The following CDON variants were observed in gnomAD, a reference collection of about 807,000 sequenced individuals.
CDON encodes cell adhesion molecule-related/down-regulated by oncogenes.
In CDON, 73 loss-of-function variants were observed where a neutral mutation model predicts 120.9. The observed-to-expected ratio is 0.60, with a 90% CI of 0.50 to 0.73. The LOEUF (loss-of-function observed/expected upper bound fraction) is 0.73. Ranked by LOEUF, CDON falls within the 30% of genes least tolerant of loss-of-function variation. The pLI is 0.00. For missense variants in CDON, 1,470 were observed against 1,587.3 expected, an observed-to-expected ratio of 0.93 and a Z score of 1.26; for synonymous variants, 566 against 573.5, an observed-to-expected ratio of 0.99 and a Z score of 0.19.
intron 17 of CDON, among the ~76,000 whole-genome samples, chr11:125,980,040 T>G (rs1946252441): frequency 6.6e-6 from 1 of 152,212 alleles, no homozygotes. Flanking sequence ...ACTCTAAGCT[T>G]CTTCAAATTG....
chr11:126,030,779 C>T (rs568399895), intron 1 of CDON, among the ~76,000 whole-genome samples: 5 of 152,288 alleles, frequency 3.3e-5, no homozygotes, highest in African/African-American at 1.2e-4. Flanking sequence ...ATAGTATATA[C>T]TGTTTTTTAA....
At position 126,005,839 on chromosome 11, in the gene CDON, G is replaced by C; in HGVS notation, c.1771C>G (p.Pro591Ala). Residue 591 changes from proline (P) to alanine (A), a missense_variant, in exon 9 of 20, where the codon CCA becomes GCA. Pro to Ala is a conservative substitution (Grantham distance 27). Coordinates refer to ENST00000531738, the MANE Select transcript of CDON (RefSeq NM_001378964.1). ...IILSPPQTHTPDTYNLVWRAG... is the reference protein window; with the variant it reads ...IILSPPQTHTADTYNLVWRAG... ...CTCCACACCAGGTTGTACGTGTCTG[G>C]TGTGTGGGTCTGTGGGGGGCTCAGT... 2 of 1,614,126 alleles carry C rather than the reference G, an allele frequency of 1.2e-6. No individual in the cohort carries two copies. The highest frequency in any genetic ancestry group is 1.7e-4 in the Middle Eastern group (1 of 6,058).
At chr11:125,977,766 C>T (rs939643874) in intron 18 of CDON, among the ~76,000 whole-genome samples, 1 of 152,016 alleles carries the variant, frequency 6.6e-6, no homozygotes, top group Non-Finnish European at 1.5e-5. Context: ...GTACATACCA[C>T]TTTTAAAATT....
At chr11:125,988,770 T>A (rs1946541389) in intron 15 of CDON, among the ~76,000 whole-genome samples, 1 of 152,158 alleles carries the variant, frequency 6.6e-6, no homozygotes, top group African/African-American at 2.4e-5. Flanking sequence ...GTAGGCAGAG[T>A]TGAGAATGTT....
At chr11:126,037,822 G>GA (rs1023782603) in intron 1 of CDON, among the ~76,000 whole-genome samples, 3 of 151,518 alleles carry the variant, frequency 2.0e-5, no homozygotes, top group African/African-American at 2.4e-5. Context: ...TCTGCAAAAG[G>GA]AAAAAAAACT....
rs148254521 is a variant in CDON, at chr11:126,027,329, A to G, written c.-61-3792T>C. Among the ~76,000 whole-genome samples, 979 of 152,352 alleles carry G rather than the reference A, an allele frequency of 6.4e-3. 7 individuals are homozygous for G. The highest frequency in any genetic ancestry group is 0.01 in the Non-Finnish European group (703 of 68,034). On this transcript the variant is annotated intron_variant, in intron 1 of 19. Transcript: ENST00000531738. ...CACAAATAAACATTACTGACCACACAAAGTTTAGATACGCAGAAATCACAG... is the reference window on the plus strand; with the variant it reads ...CACAAATAAACATTACTGACCACACGAAGTTTAGATACGCAGAAATCACAG...
intron 1 of CDON, among the ~76,000 whole-genome samples, chr11:126,050,951 T>C (rs1948543736): frequency 1.3e-5 from 2 of 152,108 alleles, no homozygotes; most frequent in African/African-American, 2.4e-5. Context: ...AAAAAGACAC[T>C]AGTATTTCTC....
chr11:125,967,024 T>TAAA (rs11372251), intron 18 of CDON, among the ~76,000 whole-genome samples: 3 of 143,414 alleles, frequency 2.1e-5, no homozygotes, highest in African/African-American at 5.1e-5. Flanking sequence ...GCAACAGATT[T>TAAA]AAAAAAAAAA....
chr11:126,011,213 T>G (rs1056735157), intron 7 of CDON, among the ~76,000 whole-genome samples: 1 of 152,236 alleles, frequency 6.6e-6, no homozygotes. Context: ...CCCATAGGCA[T>G]GAACAGAATT....
At position 125,997,115 on chromosome 11, in the gene CDON, G is replaced by C. The variant is rs572223305; in HGVS notation, c.2362+92C>G. 5.8e-6 allele frequency: 6 copies of C among 1,036,786 alleles called. No individual in the cohort carries two copies. In the East Asian group the frequency reaches 1.3e-4, roughly 22 times the overall value. 64.2% of individuals were successfully genotyped at this position (1,036,786 alleles called of 1,614,324 possible). A position where few individuals can be genotyped will look rare whatever the true frequency, so the allele number is the denominator to read the frequency against. On this transcript the variant is annotated intron_variant, in intron 12 of 19. Transcript: ENST00000531738. The stretch of plus-strand genomic sequence containing the variant: ...GATTATGCCACTGCACTCCAGCCTG[G>C]GCCAACAGAGTGAGACCCTGTCTCA...
At chr11:125,974,451 C>T (rs1946100336) in intron 18 of CDON, among the ~76,000 whole-genome samples, 1 of 140,528 alleles carries the variant, frequency 7.1e-6, no homozygotes, top group African/African-American at 2.7e-5. Flanking sequence ...TTCTTTTTTA[C>T]TCTCCTTATT....
chr11:125,983,072 T>G (rs1380128799), intron 16 of CDON, among the ~76,000 whole-genome samples: 1 of 152,220 alleles, frequency 6.6e-6, no homozygotes, highest in African/African-American at 2.4e-5. Flanking sequence ...GAGAACTGGC[T>G]AACAGCCACT....
intron 18 of CDON, among the ~76,000 whole-genome samples, chr11:125,973,058 A>G (rs1253543587): frequency 8.2e-5 from 10 of 122,212 alleles, no homozygotes; most frequent in African/African-American, 3.2e-4. Context: ...CCTCAGACTC[A>G]TTCAGACTCA....
At chr11:125,981,970 C>CTTTTTTTTGTTTTTTTTTT (rs1946321031) in intron 16 of CDON, among the ~76,000 whole-genome samples, 1 of 54,290 alleles carries the variant, frequency 1.8e-5, no homozygotes, top group African/African-American at 8.0e-5. Flanking sequence ...ATTCTATTTT[C>CTTTTTTTTGTTTTTTTTTT]TTTTTTTTTT....
At chr11:126,023,034 T>C (rs1034888793) in intron 2 of CDON, among the ~76,000 whole-genome samples, 4 of 152,238 alleles carry the variant, frequency 2.6e-5, no homozygotes, top group Non-Finnish European at 5.9e-5. Flanking sequence ...AGTATCATGC[T>C]GATTCTAAAA....
At chr11:125,995,704 C>T (rs977062224) in intron 12 of CDON, among the ~76,000 whole-genome samples, 2 of 152,208 alleles carry the variant, frequency 1.3e-5, no homozygotes, top group African/African-American at 4.8e-5. Context: ...TTCCTGATAG[C>T]TCAAAAATAA....
intron 18 of CDON, among the ~76,000 whole-genome samples, chr11:125,969,018 G>A (rs538826176): frequency 1.3e-5 from 2 of 152,204 alleles, no homozygotes; most frequent in Non-Finnish European, 2.9e-5. Context: ...TTATCATTGC[G>A]ATGAAGTTTT....
At chr11:125,965,178 G>A (rs754200214) in intron 18 of CDON, among the ~76,000 whole-genome samples, 7 of 152,270 alleles carry the variant, frequency 4.6e-5, no homozygotes, top group East Asian at 1.9e-4. Flanking sequence ...CAATCCACCC[G>A]TCTCTGCCTC....
intron 1 of CDON, among the ~76,000 whole-genome samples, chr11:126,039,718 G>T (rs1421934563): frequency 6.6e-6 from 1 of 152,156 alleles, no homozygotes; most frequent in Admixed American, 6.5e-5. Flanking sequence ...CCCTAAAGCA[G>T]CATTATCACT....
Sources: allele counts gnomAD v4.1 joint callset (sites outside exome capture counted in the v4.1 genomes callset), GRCh38; gene constraint gnomAD v4.1.1; transcripts MANE v1.5; gene names NCBI Gene and HGNC (gene_info 2026-07-23, HGNC 2026-07-21).